SEMA3E: variants seen among roughly 807,000 people sequenced by gnomAD.
SEMA3E encodes semaphorin 3E.
In SEMA3E, 49 loss-of-function variants were observed where a neutral mutation model predicts 93.6. The observed-to-expected ratio is 0.52, with a 90% CI of 0.42 to 0.66. The LOEUF (loss-of-function observed/expected upper bound fraction) is 0.66. Ranked by LOEUF, SEMA3E falls within the 30% of genes least tolerant of loss-of-function variation. The pLI is 0.00. For synonymous variants in SEMA3E, 363 were observed against 330.7 expected, an observed-to-expected ratio of 1.10 and a Z score of -1.06; for missense variants, 906 against 964.8, an observed-to-expected ratio of 0.94 and a Z score of 0.81.
At chr7:83,451,456 A>C (rs1789356384) in intron 4 of SEMA3E, among the ~76,000 whole-genome samples, 1 of 152,204 alleles carries the variant, frequency 6.6e-6, no homozygotes, top group Admixed American at 6.5e-5. Context: ...GCATAAATGT[A>C]ACAAACCCAT....
Position 83,370,051 on chromosome 7 carries a change from C to A in SEMA3E, c.1876-2013G>T, listed in dbSNP as rs547839281. On this transcript the variant is annotated intron_variant, in intron 16 of 16. Coordinates refer to ENST00000643230, the MANE Select transcript of SEMA3E (RefSeq NM_012431.3). ...CCTTACTCTTTCTTGGTTTCTTCTG[C>A]AGATTTCTCATTACCTTAAGGTGCA... Among the ~76,000 whole-genome samples, 26 of 152,234 alleles carry A rather than the reference C, an allele frequency of 1.7e-4. 1 individual carries two copies. In the South Asian group the frequency reaches 5.0e-3, roughly 29 times the overall value.
intron 2 of SEMA3E, among the ~76,000 whole-genome samples, chr7:83,482,882 C>A (rs1790177877): frequency 6.8e-6 from 1 of 147,508 alleles, no homozygotes; most frequent in African/African-American, 2.5e-5. Context: ...AAGGTTATTC[C>A]AGGGAAGGGG....
chr7:83,458,415 G>C (rs567686320), intron 4 of SEMA3E, among the ~76,000 whole-genome samples: 1 of 152,116 alleles, frequency 6.6e-6, no homozygotes, highest in Admixed American at 6.6e-5. Flanking sequence ...AGACTAAAGA[G>C]ATTTTTCACT....
At chr7:83,449,452 C>A (rs1046771572) in intron 4 of SEMA3E, among the ~76,000 whole-genome samples, 1 of 151,766 alleles carries the variant, frequency 6.6e-6, no homozygotes, top group African/African-American at 2.4e-5. Context: ...ATTTTATATT[C>A]ATTTTTTATA....
chr7:83,620,059 T>G (rs1435654765), intron 1 of SEMA3E, among the ~76,000 whole-genome samples: 1 of 151,948 alleles, frequency 6.6e-6, no homozygotes, highest in East Asian at 1.9e-4. Flanking sequence ...TATTCTTTAT[T>G]TAATAAGTCC....
At chr7:83,420,115 A>G (rs964632309) in intron 4 of SEMA3E, among the ~76,000 whole-genome samples, 1 of 152,192 alleles carries the variant, frequency 6.6e-6, no homozygotes, top group African/African-American at 2.4e-5. Context: ...ATCAATGTCT[A>G]AAAATCAGCA....
At chr7:83,485,692 AAAT>A (rs1260055290) in intron 2 of SEMA3E, among the ~76,000 whole-genome samples, 1 of 152,140 alleles carries the variant, frequency 6.6e-6, no homozygotes, top group Non-Finnish European at 1.5e-5. Context: ...ATATATAATA[AAAT>A]AATTTTTAAA....
intron 2 of SEMA3E, among the ~76,000 whole-genome samples, chr7:83,473,111 T>A (rs1789938612): frequency 6.6e-6 from 1 of 152,250 alleles, no homozygotes; most frequent in Non-Finnish European, 1.5e-5. Context: ...TAAGAATTTT[T>A]CTGATTCCCT....
At chr7:83,520,823 A>AT (rs1434558972) in intron 1 of SEMA3E, among the ~76,000 whole-genome samples, 18 of 152,102 alleles carry the variant, frequency 1.2e-4, no homozygotes, top group Non-Finnish European at 7.4e-5. Context: ...GGACAAGTTA[A>AT]TTTTTTTTGT....
At chr7:83,556,910 G>A (rs1459679758) in intron 1 of SEMA3E, among the ~76,000 whole-genome samples, 2 of 152,106 alleles carry the variant, frequency 1.3e-5, no homozygotes, top group African/African-American at 4.8e-5. Flanking sequence ...TTGGACTTGT[G>A]AGGACACAGT....
chr7:83,511,323 GA>G lies in SEMA3E; in HGVS notation c.116-21050del, dbSNP rs1790814381. 6.6e-5 allele frequency among the ~76,000 whole-genome samples: 10 copies of G among 151,044 alleles called. No homozygotes were observed. The South Asian group carries it at 2.1e-3, about 32-fold the overall frequency. ...TTTAATGAGAAAACAGACATTTTAG[GA>G]TGAAAAGATTCAAAGAAATGTCAAA... On this transcript the variant is annotated intron_variant, in intron 1 of 16. Transcript: ENST00000643230.
At chr7:83,532,651 T>A (rs1014655963) in intron 1 of SEMA3E, among the ~76,000 whole-genome samples, 2 of 151,954 alleles carry the variant, frequency 1.3e-5, no homozygotes, top group Non-Finnish European at 2.9e-5. Flanking sequence ...TTCTGACTTA[T>A]TCTCTCAATA....
At chr7:83,604,771 C>G (rs914588389) in intron 1 of SEMA3E, among the ~76,000 whole-genome samples, 1 of 152,060 alleles carries the variant, frequency 6.6e-6, no homozygotes, top group Non-Finnish European at 1.5e-5. Flanking sequence ...TGTAATGATG[C>G]TCTCACTCCC....
In SEMA3E at chr7:83,648,514, A is replaced by G; in HGVS notation, c.29T>C (p.Leu10Ser). The G allele has an allele frequency of 6.2e-7, 1 of 1,613,612 alleles. No homozygotes were observed. The highest frequency in any genetic ancestry group is 8.5e-7 in the Non-Finnish European group (1 of 1,179,844). Residue 10 changes from leucine to serine, a missense_variant, in exon 1 of 17, where the codon TTG becomes TCG. By Grantham distance (145) the Leu-to-Ser change is moderately radical. Coordinates refer to ENST00000643230, the MANE Select transcript of SEMA3E (RefSeq NM_012431.3). MASAGHIIT[L>S]LLWGYLLELW... ...CTCCAGTAAGTAACCCCACAGGAGC[A>G]AGGTGATAATGTGCCCCGCGGATGC...
At chr7:83,603,767 G>A (rs1336983700) in intron 1 of SEMA3E, among the ~76,000 whole-genome samples, 1 of 152,094 alleles carries the variant, frequency 6.6e-6, no homozygotes, top group Non-Finnish European at 1.5e-5. Context: ...CTACTGTAGA[G>A]CTTTGCATTC....
At chr7:83,478,617 A>G (rs1371397231) in intron 2 of SEMA3E, among the ~76,000 whole-genome samples, 1 of 152,180 alleles carries the variant, frequency 6.6e-6, no homozygotes, top group Non-Finnish European at 1.5e-5. Context: ...ATAAGTAAAC[A>G]AAGGGTGTAC....
intron 4 of SEMA3E, among the ~76,000 whole-genome samples, chr7:83,452,501 C>T (rs755485948): frequency 1.3e-5 from 2 of 152,168 alleles, no homozygotes; most frequent in African/African-American, 2.4e-5. Context: ...CTTCTCTTTG[C>T]TCACAGGCAA....
At chr7:83,416,281 G>C (rs761564715) in intron 5 of SEMA3E, among the ~76,000 whole-genome samples, 4 of 151,842 alleles carry the variant, frequency 2.6e-5, no homozygotes, top group African/African-American at 9.7e-5. Context: ...ATTTCTCTTC[G>C]AAATAAGCGA....
intron 1 of SEMA3E, among the ~76,000 whole-genome samples, chr7:83,511,020 A>G (rs1790806308): frequency 6.6e-6 from 1 of 152,176 alleles, no homozygotes; most frequent in Non-Finnish European, 1.5e-5. Flanking sequence ...ATTATAATTA[A>G]AAGGGGACTA....
Sources: allele counts gnomAD v4.1 joint callset (sites outside exome capture counted in the v4.1 genomes callset), GRCh38; gene constraint gnomAD v4.1.1; transcripts MANE v1.5; gene names NCBI Gene and HGNC (gene_info 2026-07-23, HGNC 2026-07-21).